NF1: variants seen among roughly 807,000 people sequenced by gnomAD.
NF1 encodes neurofibromin.
Under a neutral mutation model 325.7 loss-of-function variants are expected in NF1, and 122 were observed. The observed-to-expected ratio is 0.37, with a 90% confidence interval of 0.32 to 0.44. The LOEUF is 0.44. Ranked by LOEUF, NF1 falls within the 20% of genes least tolerant of loss-of-function variation. The pLI, the probability that NF1 is intolerant of heterozygous loss-of-function variation, is 1.00. For synonymous variants in NF1, 1,091 were observed against 1,186.0 expected, an observed-to-expected ratio of 0.92 and a Z score of 1.65; for missense variants, 2,140 against 3,415.4, an observed-to-expected ratio of 0.63 and a Z score of 9.31.
Position 31,313,722 on chromosome 17 carries a change from A to ATGTGTGTG in NF1, c.4836-12069_4836-12062dup, listed in dbSNP as rs60267436. 1.6e-3 allele frequency among the ~76,000 whole-genome samples: 219 copies of ATGTGTGTG among 139,054 alleles called. 1 individual carries two copies. The highest frequency in any genetic ancestry group is 5.5e-3 in the African/African-American group (199 of 36,334). The allele number at this position is 139,054 out of a possible 152,430, so 91.2% of individuals were successfully genotyped here. ...CTCTATCTCAAAAAAAAAAAAAAAT[A>ATGTGTGTG]TGTGTGTGTGTGTGTGTGTGTGTGT... On this transcript the variant is annotated intron_variant, in intron 36 of 57. Transcript: ENST00000358273.
chr17:31,222,040 G>A, intron 15 of NF1, 111 bp downstream of exon 15: 1 of 1,284,566 alleles, frequency 7.8e-7, no homozygotes, highest in Non-Finnish European at 9.9e-7. Flanking sequence ...CACTTCCAAA[G>A]GTTTTATGGT....
intron 1 of NF1, among the ~76,000 whole-genome samples, chr17:31,122,919 G>A (rs1914557507): frequency 6.6e-6 from 1 of 152,004 alleles, no homozygotes; most frequent in Admixed American, 6.6e-5. Context: ...ATTTTGATCT[G>A]CATCTTTCTT....
chr17:31,111,246 A>G (rs1015517675), intron 1 of NF1, among the ~76,000 whole-genome samples: 2 of 152,108 alleles, frequency 1.3e-5, no homozygotes, highest in Non-Finnish European at 2.9e-5. Context: ...AGAGTAGAAC[A>G]GAGCCTCTGA....
chr17:31,239,967 T>C (rs948167185), intron 29 of NF1, among the ~76,000 whole-genome samples: 1 of 152,238 alleles, frequency 6.6e-6, no homozygotes, highest in Non-Finnish European at 1.5e-5. Flanking sequence ...TTTCACAATA[T>C]TGGCCAGGCT....
At chr17:31,359,485 G>T in intron 56 of NF1, 1 of 188,550 alleles carries the variant, frequency 5.3e-6, no homozygotes, top group Non-Finnish European at 1.1e-5. Context: ...TTGTGAGACG[G>T]AGTCTCACTC....
intron 36 of NF1, among the ~76,000 whole-genome samples, chr17:31,309,671 G>T (rs938003027): frequency 6.6e-6 from 1 of 152,090 alleles, no homozygotes. Context: ...GAAACCATAC[G>T]GTTCCTCTTT....
chr17:31,106,015 T>C (rs1196063143), intron 1 of NF1, among the ~76,000 whole-genome samples: 1 of 152,252 alleles, frequency 6.6e-6, no homozygotes, highest in Non-Finnish European at 1.5e-5. Flanking sequence ...TGGGAAGTTA[T>C]GTCTCTTAAT....
chr17:31,261,250 T>TA (rs201312670), intron 34 of NF1, among the ~76,000 whole-genome samples: 1,484 of 138,910 alleles, frequency 0.011, 21 homozygotes, highest in African/African-American at 0.034. Context: ...TCTCAGAAAT[T>TA]AAAAAAAAAA....
intron 36 of NF1, chr17:31,297,413 G>T (rs1272202613): frequency 6.6e-6 from 1 of 152,146 alleles, no homozygotes; most frequent in Non-Finnish European, 1.5e-5. Flanking sequence ...AAAATTTGTG[G>T]CATCAAGCGT....
At chr17:31,319,116 CAAGTA>C in intron 36 of NF1, 1 of 1,319,902 alleles carries the variant, frequency 7.6e-7, no homozygotes, top group Non-Finnish European at 1.0e-6. Flanking sequence ...TGAGATGTTA[CAAGTA>C]AACTACAAGC....
chr17:31,176,816 G>A (rs1420428339), intron 5 of NF1, among the ~76,000 whole-genome samples: 1 of 152,152 alleles, frequency 6.6e-6, no homozygotes, highest in East Asian at 1.9e-4. Context: ...TCAGATGGTT[G>A]TAGATGTGTG....
intron 1 of NF1, among the ~76,000 whole-genome samples, chr17:31,116,442 T>C (rs1371531812): frequency 1.3e-5 from 2 of 152,076 alleles, no homozygotes; most frequent in African/African-American, 4.8e-5. Flanking sequence ...AATATAAATG[T>C]TCAGATAAGA....
chr17:31,322,571 G>GCTA (rs2151533704), intron 36 of NF1, among the ~76,000 whole-genome samples: 1 of 140,500 alleles, frequency 7.1e-6, no homozygotes, highest in Admixed American at 7.6e-5. Context: ...TGTAATCCCA[G>GCTA]CTACTAGGTA....
intron 1 of NF1, chr17:31,137,916 A>G (rs543940378): frequency 1.1e-4 from 16 of 152,202 alleles, no homozygotes; most frequent in South Asian, 4.1e-4. Context: ...GCTAACCCCA[A>G]TGCCATTCTG....
At chr17:31,233,323 C>G (rs1357286972) in intron 27 of NF1, 110 bp downstream of exon 27, 7 of 1,117,482 alleles carry the variant, frequency 6.3e-6, no homozygotes, top group Admixed American at 1.9e-5. Context: ...ATTTCAGAGC[C>G]AGAAGAAAGA....
At position 31,102,309 on chromosome 17, in the gene NF1, A is replaced by C. The variant is rs548078017; in HGVS notation, c.60+6940A>C. 1.3e-4 allele frequency among the ~76,000 whole-genome samples: 19 copies of C among 151,778 alleles called. No individual in the cohort carries two copies. In the East Asian group the frequency reaches 3.5e-3, roughly 28 times the overall value. On this transcript the variant is annotated intron_variant, in intron 1 of 57. Transcript: ENST00000358273. ...ATGTGAAGCACTTTGAAAAGTCTAA[A>C]ATTTTTCTAATATAAGATTTATATG... is the stretch of plus-strand genomic sequence containing the variant.
intron 29 of NF1, 25 bp downstream of exon 29, chr17:31,236,046 C>A (rs771922676): frequency 6.5e-7 from 1 of 1,532,764 alleles, no homozygotes. Flanking sequence ...CACATAGAAC[C>A]GCTGTTTTTT....
At position 31,184,602 on chromosome 17, in the gene NF1, A is replaced by G. The variant is rs548914600; in HGVS notation, c.888+1937A>G. On this transcript the variant is annotated intron_variant, in intron 8 of 57. Coordinates refer to ENST00000358273, the MANE Select transcript of NF1 (RefSeq NM_001042492.3). ...GGGGCGGAGCCTGCAGTGAGCCGAG[A>G]TTGCGCCACTGCACTCCAGCCTGGG... is the stretch of plus-strand genomic sequence containing the variant. Among the ~76,000 whole-genome samples the G allele has an allele frequency of 5.4e-5, 8 of 149,348 alleles. No homozygotes were observed. In the South Asian group the frequency reaches 1.7e-3, roughly 32 times the overall value.
chr17:31,346,786 C>CT (rs2069996707), intron 48 of NF1, among the ~76,000 whole-genome samples: 1 of 149,252 alleles, frequency 6.7e-6, no homozygotes, highest in Non-Finnish European at 1.5e-5. Context: ...AGAGTCTCTC[C>CT]TTTTCAGACA....
Sources: gnomAD v4.1 joint callset for allele counts (sites outside exome capture counted in the v4.1 genomes callset) on GRCh38, gnomAD v4.1.1 for gene constraint, MANE v1.5 for transcripts, NCBI Gene and HGNC (gene_info 2026-07-23, HGNC 2026-07-21) for gene names.